Variants in RYR3 observed in about 807,000 individuals in gnomAD.
RYR3 encodes brain ryanodine receptor-calcium release channel.
Under a neutral mutation model 584.3 loss-of-function variants are expected in RYR3, and 207 were observed. That is an observed-to-expected ratio of 0.35 (90% CI 0.32 to 0.40). The LOEUF (loss-of-function observed/expected upper bound fraction) is 0.40, where lower values mean the gene tolerates loss of function less well. RYR3 is among the 10% of genes least tolerant of loss of function. The pLI is 1.00. For synonymous variants in RYR3, 2,416 were observed against 2,248.5 expected (o/e 1.07, Z -2.11); for missense variants, 5,616 against 6,089.2 (o/e 0.92, Z 2.59).
intron 1 of RYR3, among the ~76,000 whole-genome samples, chr15:33,344,729 G>C (rs1394883318): frequency 6.6e-6 from 1 of 152,036 alleles, no homozygotes; most frequent in Non-Finnish European, 1.5e-5. Context: ...AACAAACAAG[G>C]CCTACTTTCT....
At chr15:33,366,903 A>T (rs1437736887) in intron 1 of RYR3, among the ~76,000 whole-genome samples, 3 of 152,214 alleles carry the variant, frequency 2.0e-5, no homozygotes, top group Admixed American at 2.0e-4. Flanking sequence ...AACAGCTAAG[A>T]TGGAATACCA....
At chr15:33,574,029 A>C (rs925282220) in intron 12 of RYR3, among the ~76,000 whole-genome samples, 6 of 152,198 alleles carry the variant, frequency 3.9e-5, no homozygotes, top group Non-Finnish European at 5.9e-5. Flanking sequence ...TTAGACCTGA[A>C]GTACCCTGGC....
chr15:33,845,904 T>C (rs10438377), intron 93 of RYR3, among the ~76,000 whole-genome samples: 6,455 of 152,302 alleles, frequency 0.042, 266 homozygotes, highest in East Asian at 0.23. Context: ...ATCTCTGTGA[T>C]TCTGTGAGAT....
intron 1 of RYR3, among the ~76,000 whole-genome samples, chr15:33,361,915 G>A (rs1475422968): frequency 1.3e-5 from 2 of 152,146 alleles, no homozygotes; most frequent in Non-Finnish European, 2.9e-5. Flanking sequence ...CCATACTTAG[G>A]AGAAAGAGTG....
intron 11 of RYR3, among the ~76,000 whole-genome samples, chr15:33,565,377 C>A (rs1469567042): frequency 6.6e-6 from 1 of 152,108 alleles, no homozygotes. Flanking sequence ...TAACAGTATC[C>A]TTTGCTGATG....
chr15:33,438,497 G>A (rs562223553), intron 1 of RYR3, among the ~76,000 whole-genome samples: 1 of 152,062 alleles, frequency 6.6e-6, no homozygotes, highest in African/African-American at 2.4e-5. Context: ...AAAGGCCACC[G>A]AGTCCCAACC....
Position 33,357,350 on chromosome 15 carries a change from C to A in RYR3, c.51+46254C>A, listed in dbSNP as rs138145620. Among the ~76,000 whole-genome samples, 456 of 152,280 alleles carry A rather than the reference C, an allele frequency of 3.0e-3. 4 individuals carry two copies. Among genetic ancestry groups the A allele is most frequent in the African/African-American group, 9.7e-3 (405 of 41,540 alleles). On this transcript the variant is annotated intron_variant, in intron 1 of 103. Coordinates refer to ENST00000634891, the MANE Select transcript of RYR3 (RefSeq NM_001036.6). ...TGGAAAACTTAATTTCCACATTGGA[C>A]AAGAGAAAAGGTGAGTCCCGGTAGG...
intron 1 of RYR3, among the ~76,000 whole-genome samples, chr15:33,382,319 C>CTTGTTTTTT (rs2041248200): frequency 9.5e-6 from 1 of 104,780 alleles, no homozygotes; most frequent in African/African-American, 4.1e-5. Context: ...TTAAAAGTGG[C>CTTGTTTTTT]TTTTTTTTTT....
Position 33,393,902 on chromosome 15 carries a change from G to A in RYR3, c.52-79517G>A, listed in dbSNP as rs2042149700. On this transcript the variant is annotated intron_variant, in intron 1 of 103. Coordinates refer to ENST00000634891, the MANE Select transcript of RYR3 (RefSeq NM_001036.6). ...TACAATGCGAGGCATTCTATGATACGATATCTCAATTAGTACATCCAGCAG... is the reference window on the plus strand; with the variant it reads ...TACAATGCGAGGCATTCTATGATACAATATCTCAATTAGTACATCCAGCAG... 3.9e-5 allele frequency among the ~76,000 whole-genome samples: 6 copies of A among 152,260 alleles called. No homozygotes were observed. In the South Asian group the frequency reaches 1.2e-3, roughly 32 times the overall value.
In RYR3 at chr15:33,586,102, G is replaced by A. The variant is rs371473792; in HGVS notation, c.1774G>A (p.Gly592Arg). 1.1e-5 allele frequency: 18 copies of A among 1,606,170 alleles called. No individual in the cohort carries two copies. Among genetic ancestry groups the A allele is most frequent in the East Asian group, 2.2e-5 (1 of 44,840 alleles). Residue 592 changes from glycine to arginine, a missense_variant, in exon 16 of 104, where the codon GGG becomes AGG. By Grantham distance (125) the Gly-to-Arg change is moderately radical. This residue lies in a region of RYR3 where 1,284 missense variants were observed against 1,344.6 expected (regional missense o/e 0.95). Transcript: ENST00000634891. ...GATCATCTCCCTGTTGGATAAGCACGGGCGGAATCACAAGGTAGGTGTGGA... is the reference window on the plus strand; with the variant it reads ...GATCATCTCCCTGTTGGATAAGCACAGGCGGAATCACAAGGTAGGTGTGGA... ...KSIISLLDKH[G>R]RNHKVLDILC... is the part of the protein sequence containing the mutation.
chr15:33,731,839 A>T (rs1411278564), intron 48 of RYR3, 145 bp downstream of exon 48: 2 of 655,626 alleles, frequency 3.1e-6, no homozygotes, highest in Admixed American at 2.3e-5. Context: ...ATCTCATAGG[A>T]TGTGCTCGGC....
rs147219417 is a variant in RYR3 at position 33,749,444 on chromosome 15, A to G, written c.8200-535A>G. Among the ~76,000 whole-genome samples, 639 of 152,304 alleles carry G rather than the reference A, an allele frequency of 4.2e-3. 2 individuals are homozygous for G. The highest frequency in any genetic ancestry group is 0.014 in the African/African-American group (571 of 41,566). ...GAAGTCCATCAGACCAGCCCCTTGG[A>G]CCTTCGAGAAAGTTTCTTTCCAAAG... On this transcript the variant is annotated intron_variant, in intron 55 of 103. Transcript: ENST00000634891.
chr15:33,723,929 G>T (rs1339076494), intron 44 of RYR3, 136 bp from the exon 45 acceptor site: 6 of 600,496 alleles, frequency 1.0e-5, no homozygotes, highest in Non-Finnish European at 1.8e-5. Flanking sequence ...AACTTCTAGA[G>T]GAAGACGAGG....
intron 1 of RYR3, among the ~76,000 whole-genome samples, chr15:33,381,534 T>C (rs557060179): frequency 2.0e-5 from 3 of 152,180 alleles, no homozygotes; most frequent in Non-Finnish European, 4.4e-5. Context: ...TCAGCATCCC[T>C]TCCTCCAGGT....
chr15:33,696,560 A>G (rs1385930525), intron 39 of RYR3, 69 bp downstream of exon 39: 1 of 1,442,820 alleles, frequency 6.9e-7, no homozygotes, highest in Non-Finnish European at 9.6e-7. Context: ...TTACCTTGAT[A>G]TAGAGATATA....
At chr15:33,546,454 T>G (rs550386164) in intron 8 of RYR3, among the ~76,000 whole-genome samples, 1 of 152,326 alleles carries the variant, frequency 6.6e-6, no homozygotes, top group East Asian at 1.9e-4. Context: ...TAATATTTAT[T>G]GGGCATTTCC....
At chr15:33,490,756 AAAAG>A (rs1269289476) in intron 2 of RYR3, among the ~76,000 whole-genome samples, 1 of 151,852 alleles carries the variant, frequency 6.6e-6, no homozygotes, top group Admixed American at 6.6e-5. Context: ...AAAAAAAAAA[AAAAG>A]AGTCAAGAAA....
intron 1 of RYR3, among the ~76,000 whole-genome samples, chr15:33,420,177 G>A (rs1335724758): frequency 3.9e-5 from 6 of 152,136 alleles, no homozygotes; most frequent in Non-Finnish European, 8.8e-5. Flanking sequence ...ATCAAGCCTT[G>A]TTTTAAGAAT....
intron 43 of RYR3, among the ~76,000 whole-genome samples, chr15:33,707,521 T>C (rs115826631): frequency 0.033 from 5,083 of 152,232 alleles, 279 homozygotes; most frequent in African/African-American, 0.12. Flanking sequence ...ATAACAACCC[T>C]AAATATTATT....
Sources: gnomAD v4.1 joint callset for allele counts (sites outside exome capture counted in the v4.1 genomes callset) on GRCh38, gnomAD v4.1.1 for gene constraint, gnomAD v4.1.1 regional missense constraint, MANE v1.5 for transcripts, NCBI Gene and HGNC (gene_info 2026-07-23, HGNC 2026-07-21) for gene names.